CNTLN: variants seen among roughly 807,000 people sequenced by gnomAD.
The protein encoded by CNTLN is centlein, also known as centlein, centrosomal protein.
A neutral mutation model predicts 180.0 loss-of-function variants in CNTLN; 212 were observed. The observed-to-expected ratio is 1.18, with a 90% CI of 1.05 to 1.32. The LOEUF (loss-of-function observed/expected upper bound fraction) is 1.32. Among genes scored for constraint, CNTLN ranks in the 40% most tolerant of loss-of-function variants. The pLI, the probability that CNTLN is intolerant of heterozygous loss-of-function variation, is 0.00. For synonymous variants in CNTLN, 722 were observed against 563.1 expected (o/e 1.28, Z -3.99); for missense variants, 2,095 against 1,610.9 (o/e 1.30, Z -5.14).
intron 10 of CNTLN, among the ~76,000 whole-genome samples, chr9:17,333,652 C>T (rs910474170): frequency 2.0e-5 from 3 of 152,064 alleles, no homozygotes; most frequent in East Asian, 3.9e-4. Context: ...TTTTAGTTTG[C>T]CTTAAGTTTA....
intron 13 of CNTLN, among the ~76,000 whole-genome samples, chr9:17,368,724 C>A (rs1193774990): frequency 6.6e-6 from 1 of 152,202 alleles, no homozygotes; most frequent in Admixed American, 6.5e-5. Flanking sequence ...GAGAATTCTT[C>A]CGGATCTTAT....
chr9:17,495,107 TGAGCTCAG>T, intron 25 of CNTLN: 1 of 348,510 alleles, frequency 2.9e-6, no homozygotes, highest in South Asian at 2.2e-5. Flanking sequence ...CTCCAACTCC[TGAGCTCAG>T]GTGATCTGCC....
chr9:17,382,880 T>G (rs889678999), intron 13 of CNTLN, among the ~76,000 whole-genome samples: 2 of 152,172 alleles, frequency 1.3e-5, no homozygotes, highest in Non-Finnish European at 2.9e-5. Flanking sequence ...AGCCTTATCT[T>G]TCATATGTTT....
At chr9:17,426,670 C>G (rs1003012794) in intron 18 of CNTLN, among the ~76,000 whole-genome samples, 20 of 151,866 alleles carry the variant, frequency 1.3e-4, no homozygotes, top group African/African-American at 4.8e-5. Flanking sequence ...TTTAAACAAA[C>G]TTATATATTC....
chr9:17,383,340 G>T lies in CNTLN; in HGVS notation c.1988-4822G>T, dbSNP rs138533088. On this transcript the variant is annotated intron_variant, in intron 13 of 25. Coordinates refer to ENST00000380647, the MANE Select transcript of CNTLN (RefSeq NM_017738.4). Reference sequence around the variant, plus strand: ...ATCCAGGAATTTGAGACCAGCCTGGGCAACCCTGTCTCTACCAAAAAAAAA... The same window carrying T: ...ATCCAGGAATTTGAGACCAGCCTGGTCAACCCTGTCTCTACCAAAAAAAAA... Among the ~76,000 whole-genome samples, 190 of 151,672 alleles carry T rather than the reference G, an allele frequency of 1.3e-3. 1 individual carries two copies. The highest frequency in any genetic ancestry group is 5.6e-3 in the Admixed American group (85 of 15,236).
At chr9:17,410,920 G>C (rs1472424339) in intron 16 of CNTLN, among the ~76,000 whole-genome samples, 2 of 152,076 alleles carry the variant, frequency 1.3e-5, no homozygotes, top group African/African-American at 4.8e-5. Context: ...CATTTTAGTA[G>C]TCTTGATTGC....
intron 2 of CNTLN, among the ~76,000 whole-genome samples, chr9:17,171,540 A>C (rs980394268): frequency 1.3e-5 from 2 of 152,120 alleles, no homozygotes; most frequent in African/African-American, 4.8e-5. Flanking sequence ...AGGGCTGCTG[A>C]GGTCTTCCTG....
intron 4 of CNTLN, 101 bp downstream of exon 4, chr9:17,235,893 A>G: frequency 1.5e-5 from 20 of 1,318,514 alleles, no homozygotes; most frequent in Non-Finnish European, 2.1e-5. Flanking sequence ...TTTGGAGGAA[A>G]AATTGCCTTA....
At chr9:17,392,227 G>A (rs1826171144) in intron 14 of CNTLN, among the ~76,000 whole-genome samples, 1 of 152,078 alleles carries the variant, frequency 6.6e-6, no homozygotes, top group Non-Finnish European at 1.5e-5. Context: ...ATCGAGCCAT[G>A]GCACTCCAGC....
intron 2 of CNTLN, among the ~76,000 whole-genome samples, chr9:17,196,166 G>A (rs1006317151): frequency 6.6e-6 from 1 of 152,042 alleles, no homozygotes; most frequent in African/African-American, 2.4e-5. Flanking sequence ...TGGGATTACA[G>A]GCGCCTGCCA....
chr9:17,465,400 T>A (rs1366864383), intron 21 of CNTLN, among the ~76,000 whole-genome samples: 2 of 150,794 alleles, frequency 1.3e-5, no homozygotes, highest in Admixed American at 1.3e-4. Context: ...TCAATTTTGC[T>A]ATTTTTTAAC....
chr9:17,522,817 C>G, the CNTLN span, among the ~76,000 whole-genome samples: 7 of 152,130 alleles, frequency 4.6e-5, no homozygotes, highest in African/African-American at 1.4e-4. Flanking sequence ...TGCCCCCTGC[C>G]CACCTTGATT....
chr9:17,264,156 C>G (rs560508423), intron 5 of CNTLN, among the ~76,000 whole-genome samples: 2 of 143,588 alleles, frequency 1.4e-5, no homozygotes, highest in East Asian at 4.4e-4. Flanking sequence ...AGGTTTTCTT[C>G]TAGGGTTTTT....
At chr9:17,458,928 T>C (rs1465571107) in intron 19 of CNTLN, among the ~76,000 whole-genome samples, 1 of 151,876 alleles carries the variant, frequency 6.6e-6, no homozygotes, top group Non-Finnish European at 1.5e-5. Context: ...ATGTGTAAAC[T>C]GAACATTTCA....
intron 2 of CNTLN, among the ~76,000 whole-genome samples, chr9:17,154,551 A>G (rs201584647): frequency 6.6e-6 from 1 of 151,906 alleles, no homozygotes; most frequent in Non-Finnish European, 1.5e-5. Flanking sequence ...GCCAGCCAGA[A>G]CTCTCCTGTA....
intron 12 of CNTLN, among the ~76,000 whole-genome samples, chr9:17,353,155 T>C (rs1440977003): frequency 6.6e-6 from 1 of 152,134 alleles, no homozygotes; most frequent in East Asian, 1.9e-4. Flanking sequence ...GGGGTCTCAC[T>C]TTGTTGCCTA....
chr9:17,330,932 T>G, intron 9 of CNTLN, 124 bp downstream of exon 9: 1 of 825,430 alleles, frequency 1.2e-6, no homozygotes, highest in Non-Finnish European at 1.9e-6. Flanking sequence ...TTGAAAAATA[T>G]TATGTACCGA....
chr9:17,360,377 G>T (rs1713903426), intron 12 of CNTLN, among the ~76,000 whole-genome samples: 1 of 152,256 alleles, frequency 6.6e-6, no homozygotes, highest in East Asian at 1.9e-4. Context: ...TAAGGTAGAG[G>T]TCAGTGGATT....
chr9:17,316,337 G>A (rs958914970), intron 8 of CNTLN, among the ~76,000 whole-genome samples: 17 of 151,890 alleles, frequency 1.1e-4, no homozygotes, highest in Admixed American at 5.9e-4. Context: ...AATCTAAAAC[G>A]TTTCTCTTGT....
Sources: allele counts gnomAD v4.1 joint callset (sites outside exome capture counted in the v4.1 genomes callset), GRCh38; gene constraint gnomAD v4.1.1; transcripts MANE v1.5; gene names NCBI Gene and HGNC (gene_info 2026-07-23, HGNC 2026-07-21).